Variants in ZMAT4 observed in about 807,000 individuals in gnomAD.
ZMAT4 encodes zinc finger matrin-type protein 4.
Under a neutral mutation model 28.7 loss-of-function variants are expected in ZMAT4, and 17 were observed. The observed-to-expected ratio is 0.59, with a 90% CI of 0.41 to 0.89. ZMAT4 has a LOEUF of 0.89. Among genes scored for constraint, ZMAT4 ranks in the 40% least tolerant of loss-of-function variants. The probability of loss-of-function intolerance (pLI) is 0.00; values close to 1 mark genes in which losing one functional copy is unlikely to be tolerated. For synonymous variants in ZMAT4, 117 were observed against 109.2 expected (o/e 1.07, Z -0.44); for missense variants, 240 against 283.8 (o/e 0.85, Z 1.11).
chr8:40,696,343 T>C (rs1015680576), intron 4 of ZMAT4, among the ~76,000 whole-genome samples: 1 of 152,208 alleles, frequency 6.6e-6, no homozygotes, highest in Non-Finnish European at 1.5e-5. Context: ...GTTTGCAAAA[T>C]GCCATTTACA....
chr8:40,723,147 C>T (rs1256760028), intron 3 of ZMAT4, among the ~76,000 whole-genome samples: 1 of 152,108 alleles, frequency 6.6e-6, no homozygotes, highest in African/African-American at 2.4e-5. Flanking sequence ...CCTATGAATA[C>T]CAAGGACCTA....
intron 5 of ZMAT4, among the ~76,000 whole-genome samples, chr8:40,650,252 C>T (rs936825174): frequency 1.6e-3 from 245 of 151,916 alleles, no homozygotes; most frequent in South Asian, 4.6e-3. Context: ...ATATCACCAC[C>T]GATCCCACAG....
intron 1 of ZMAT4, among the ~76,000 whole-genome samples, chr8:40,877,175 C>T (rs1399975958): frequency 6.6e-6 from 1 of 152,188 alleles, no homozygotes; most frequent in African/African-American, 2.4e-5. Flanking sequence ...TGGCCGTCTA[C>T]AAGCCAAGAA....
chr8:40,572,662 T>G (rs1804134608), intron 6 of ZMAT4, among the ~76,000 whole-genome samples: 1 of 152,152 alleles, frequency 6.6e-6, no homozygotes, highest in Non-Finnish European at 1.5e-5. Flanking sequence ...ACAAACTATA[T>G]CCCCTGGAAG....
chr8:40,859,981 T>C (rs1437888941), intron 1 of ZMAT4, among the ~76,000 whole-genome samples: 1 of 152,180 alleles, frequency 6.6e-6, no homozygotes, highest in Non-Finnish European at 1.5e-5. Flanking sequence ...GAATGAAAAG[T>C]AACAAATTTG....
chr8:40,656,535 C>A (rs1372297251), intron 5 of ZMAT4, among the ~76,000 whole-genome samples: 1 of 151,972 alleles, frequency 6.6e-6, no homozygotes, highest in Non-Finnish European at 1.5e-5. Context: ...AGTATAGAAA[C>A]AACTTAATGT....
intron 1 of ZMAT4, among the ~76,000 whole-genome samples, chr8:40,872,474 GA>G (rs1449909707): frequency 6.6e-6 from 1 of 152,206 alleles, no homozygotes; most frequent in African/African-American, 2.4e-5. Context: ...AACAAGCTGG[GA>G]AATGCCACCA....
At chr8:40,614,589 T>C (rs934014060) in intron 5 of ZMAT4, among the ~76,000 whole-genome samples, 1 of 152,212 alleles carries the variant, frequency 6.6e-6, no homozygotes, top group African/African-American at 2.4e-5. Flanking sequence ...CAAGCACTTG[T>C]TTTATGAATC....
chr8:40,702,263 G>A (rs1810180320), intron 3 of ZMAT4, among the ~76,000 whole-genome samples: 1 of 152,186 alleles, frequency 6.6e-6, no homozygotes, highest in Non-Finnish European at 1.5e-5. Context: ...ACTTTCATTA[G>A]AGTATCTTGC....
chr8:40,644,076 C>T lies in ZMAT4; in HGVS notation c.577+30628G>A, dbSNP rs377353497. ...ATTTTATAAAAATCTCTATAGTTGC[C>T]AAGTAGAAAATAGGTTGAAGAGGGA... On this transcript the variant is annotated intron_variant, in intron 5 of 6. Coordinates refer to ENST00000297737, the MANE Select transcript of ZMAT4 (RefSeq NM_024645.3). 3.8e-4 allele frequency among the ~76,000 whole-genome samples: 58 copies of T among 151,866 alleles called. 1 individual carries two copies. In the South Asian group the frequency reaches 0.011, roughly 29 times the overall value.
At chr8:40,686,459 C>T (rs1049157961) in intron 4 of ZMAT4, among the ~76,000 whole-genome samples, 2 of 151,836 alleles carry the variant, frequency 1.3e-5, no homozygotes, top group South Asian at 4.2e-4. Flanking sequence ...AGTGAGACCC[C>T]TGTCTCAACG....
At chr8:40,675,923 G>T (rs1047104216) in intron 4 of ZMAT4, among the ~76,000 whole-genome samples, 2 of 152,244 alleles carry the variant, frequency 1.3e-5, no homozygotes, top group Non-Finnish European at 2.9e-5. Flanking sequence ...AGATTGCATT[G>T]TTCCACCTAT....
chr8:40,641,067 A>C (rs1463775279), intron 5 of ZMAT4, among the ~76,000 whole-genome samples: 1 of 152,170 alleles, frequency 6.6e-6, no homozygotes, highest in Non-Finnish European at 1.5e-5. Context: ...TCAACTTTAC[A>C]AACCAAATTT....
intron 3 of ZMAT4, among the ~76,000 whole-genome samples, chr8:40,757,857 G>GATT (rs1812760818): frequency 2.0e-5 from 3 of 152,078 alleles, no homozygotes; most frequent in African/African-American, 7.2e-5. Flanking sequence ...CCCTCAGTCT[G>GATT]GGTGGGCACC....
chr8:40,757,394 C>T (rs1473721897), intron 3 of ZMAT4, among the ~76,000 whole-genome samples: 7 of 152,044 alleles, frequency 4.6e-5, no homozygotes, highest in Admixed American at 4.6e-4. Context: ...ACACCCTTTA[C>T]CTCATGTCAA....
At chr8:40,698,250 A>G (rs1368048932) in intron 3 of ZMAT4, among the ~76,000 whole-genome samples, 2 of 152,112 alleles carry the variant, frequency 1.3e-5, no homozygotes, top group East Asian at 3.9e-4. Flanking sequence ...ATCCAGCTGG[A>G]TTTTTATTCC....
chr8:40,619,008 A>C (rs1161645052), intron 5 of ZMAT4, among the ~76,000 whole-genome samples: 1 of 152,210 alleles, frequency 6.6e-6, no homozygotes, highest in Non-Finnish European at 1.5e-5. Flanking sequence ...AGCGAGTGTA[A>C]AGGAGTTAAT....
At chr8:40,721,070 T>C (rs1466343527) in intron 3 of ZMAT4, among the ~76,000 whole-genome samples, 1 of 149,024 alleles carries the variant, frequency 6.7e-6, no homozygotes, top group Non-Finnish European at 1.5e-5. Flanking sequence ...GCTGGTGCAC[T>C]GCACCCACTA....
At chr8:40,670,556 T>C (rs1249201494) in intron 5 of ZMAT4, among the ~76,000 whole-genome samples, 1 of 152,166 alleles carries the variant, frequency 6.6e-6, no homozygotes, top group African/African-American at 2.4e-5. Flanking sequence ...TAAAAATGCC[T>C]GCTCATTGAA....
Sources: gnomAD v4.1 joint callset for allele counts (sites outside exome capture counted in the v4.1 genomes callset) on GRCh38, gnomAD v4.1.1 for gene constraint, MANE v1.5 for transcripts, NCBI Gene and HGNC (gene_info 2026-07-23, HGNC 2026-07-21) for gene names.